The following HGSNAT variants were observed in gnomAD, a reference collection of about 807,000 sequenced individuals.
The protein encoded by HGSNAT is transmembrane protein 76.
In HGSNAT, 59 loss-of-function variants were observed where a neutral mutation model predicts 85.2. The observed-to-expected ratio is 0.69, with a 90% CI of 0.56 to 0.86. The LOEUF is 0.86. Among genes scored for constraint, HGSNAT ranks in the 40% least tolerant of loss-of-function variants. The pLI is 0.00. For missense variants in HGSNAT, 756 were observed against 777.1 expected (o/e 0.97, Z 0.32); for synonymous variants, 321 against 304.5 (o/e 1.05, Z -0.56).
intron 7 of HGSNAT, 41 bp from the exon 8 acceptor site, chr8:43,172,269 T>G (rs374716613): frequency 4.9e-6 from 7 of 1,432,136 alleles, no homozygotes; most frequent in Non-Finnish European, 6.9e-6. Context: ...CCTTTTCACA[T>G]AGCAAACCCT....
chr8:43,191,726 A>G (rs778948588), intron 12 of HGSNAT, 131 bp downstream of exon 12: 10 of 1,151,552 alleles, frequency 8.7e-6, no homozygotes, highest in Non-Finnish European at 1.2e-5. Flanking sequence ...CCTGCTTTGC[A>G]TGGGGAGAGG....
chr8:43,182,453 G>A (rs758300486), intron 11 of HGSNAT, 193 bp downstream of exon 11: 3 of 632,346 alleles, frequency 4.7e-6, no homozygotes, highest in African/African-American at 3.7e-5. Context: ...CTGTGTTCTT[G>A]TTGTTGTTGA....
At chr8:43,183,414 A>G (rs973444009) in intron 11 of HGSNAT, among the ~76,000 whole-genome samples, 2 of 150,596 alleles carry the variant, frequency 1.3e-5, no homozygotes, top group African/African-American at 4.9e-5. Context: ...TGATTTACCC[A>G]CCTCAGCCTC....
chr8:43,196,458 C>T lies in HGSNAT; in HGVS notation c.1465-490C>T. On this transcript the variant is annotated intron_variant, in intron 14 of 17. Transcript: ENST00000379644. ...TGCCCAGACTGGGTCACCAAACAGG[C>T]CTGTCTGACGGAACCCTTGTCACCT... The T allele has an allele frequency of 2.3e-6, 3 of 1,289,534 alleles. No individual in the cohort carries two copies. The South Asian group carries it at 3.7e-5, about 16-fold the overall frequency. 79.9% of individuals were successfully genotyped at this position (1,289,534 alleles called of 1,614,324 possible). A position where few individuals can be genotyped will look rare whatever the true frequency, so the allele number is the denominator to read the frequency against.
intron 10 of HGSNAT, among the ~76,000 whole-genome samples, chr8:43,180,052 G>A (rs1197990457): frequency 1.6e-5 from 2 of 123,886 alleles, no homozygotes; most frequent in African/African-American, 6.7e-5. Context: ...GCGGCTGGCC[G>A]GGCGGGGGGC....
At chr8:43,175,022 A>C (rs372459149) in intron 9 of HGSNAT, among the ~76,000 whole-genome samples, 1 of 53,696 alleles carries the variant, frequency 1.9e-5, no homozygotes, top group East Asian at 5.1e-4. Flanking sequence ...ACTTAACATA[A>C]TGTCCTCGAG....
intron 1 of HGSNAT, among the ~76,000 whole-genome samples, chr8:43,144,918 T>C (rs1313862121): frequency 6.6e-6 from 1 of 152,156 alleles, no homozygotes; most frequent in East Asian, 1.9e-4. Flanking sequence ...CCTTGTGATA[T>C]AAGGCACTCA....
chr8:43,198,404 C>T (rs1804804562), intron 17 of HGSNAT, among the ~76,000 whole-genome samples: 1 of 150,798 alleles, frequency 6.6e-6, no homozygotes, highest in Non-Finnish European at 1.5e-5. Flanking sequence ...TCTCCTGCCT[C>T]AGCCTCCTGA....
chr8:43,158,820 C>T (rs549559503), intron 3 of HGSNAT, 103 bp from the exon 4 acceptor site: 53 of 1,494,912 alleles, frequency 3.5e-5, no homozygotes, highest in East Asian at 9.1e-5. Context: ...TTTTCTGGTC[C>T]GTACCCAGGA....
chr8:43,157,756 T>TGACA (rs1331235117), intron 2 of HGSNAT, among the ~76,000 whole-genome samples: 1 of 151,966 alleles, frequency 6.6e-6, no homozygotes, highest in Non-Finnish European at 1.5e-5. Flanking sequence ...CCAACCTGGG[T>TGACA]GACAGAGTGA....
At chr8:43,141,186 G>A (rs1802518256) in intron 1 of HGSNAT, among the ~76,000 whole-genome samples, 1 of 152,210 alleles carries the variant, frequency 6.6e-6, no homozygotes, top group Non-Finnish European at 1.5e-5. Context: ...CGGCGGGTGA[G>A]GAACCGCGGA....
intron 10 of HGSNAT, chr8:43,181,768 G>A (rs896533386): frequency 4.5e-5 from 9 of 200,528 alleles, no homozygotes; most frequent in Non-Finnish European, 7.2e-5. Context: ...GGGCCTGCAA[G>A]GTCCTAGCAG....
At chr8:43,178,262 T>C (rs1803884920) in intron 10 of HGSNAT, 28 bp downstream of exon 10, 11 of 1,440,976 alleles carry the variant, frequency 7.6e-6, no homozygotes, top group Admixed American at 2.5e-5. Flanking sequence ...CTGTTATATA[T>C]ATTCAGGTTG....
intron 14 of HGSNAT, chr8:43,196,380 C>A (rs1235686687): frequency 2.1e-6 from 2 of 957,806 alleles, no homozygotes; most frequent in South Asian, 1.4e-5. Flanking sequence ...TGTTTCCCTG[C>A]CTCCCCCACC....
At position 43,145,756 on chromosome 8, in the gene HGSNAT, A is replaced by AAAAG. The variant is rs541727386; in HGVS notation, c.119-1182_119-1179dup. Among the ~76,000 whole-genome samples the AAAAG allele has an allele frequency of 2.0e-4, 30 of 152,226 alleles. No individual in the cohort carries two copies. In the East Asian group the frequency reaches 5.2e-3, roughly 26 times the overall value. On this transcript the variant is annotated intron_variant, in intron 1 of 17. Coordinates refer to ENST00000379644, the MANE Select transcript of HGSNAT (RefSeq NM_152419.3). ...ACAGAGCAAGACTCCATTTAAAAAA[A>AAAAG]AAAGAAAGAAAGAGGGATTGAGCTG... is the stretch of plus-strand genomic sequence containing the variant.
intron 4 of HGSNAT, among the ~76,000 whole-genome samples, chr8:43,159,653 A>AAT (rs1803208280): frequency 6.6e-6 from 1 of 152,248 alleles, no homozygotes; most frequent in Non-Finnish European, 1.5e-5. Flanking sequence ...AGCATTAATA[A>AAT]GCCAAAAATG....
intron 2 of HGSNAT, among the ~76,000 whole-genome samples, chr8:43,155,833 GT>G (rs1320507739): frequency 6.6e-6 from 1 of 151,922 alleles, no homozygotes; most frequent in East Asian, 1.9e-4. Flanking sequence ...TTTCCTCAAT[GT>G]GTGTCCTTTT....
chr8:43,141,742 G>A (rs1037153156), intron 1 of HGSNAT, among the ~76,000 whole-genome samples: 2 of 152,104 alleles, frequency 1.3e-5, no homozygotes, highest in Non-Finnish European at 2.9e-5. Flanking sequence ...TACATTTTGT[G>A]CGATCCTTGA....
At chr8:43,194,389 C>A (rs1300999297) in intron 14 of HGSNAT, 21 of 985,124 alleles carry the variant, frequency 2.1e-5, no homozygotes, top group Non-Finnish European at 2.4e-5. Flanking sequence ...CAGAGTGAGA[C>A]CCTGTCTCAA....
Sources: gnomAD v4.1 joint callset for allele counts (sites outside exome capture counted in the v4.1 genomes callset) on GRCh38, gnomAD v4.1.1 for gene constraint, MANE v1.5 for transcripts, NCBI Gene and HGNC (gene_info 2026-07-23, HGNC 2026-07-21) for gene names.